The following FHOD3 variants were observed in gnomAD, a reference collection of about 807,000 sequenced individuals.
FHOD3 encodes FH1/FH2 domain-containing protein 3.
Under a neutral mutation model 173.0 loss-of-function variants are expected in FHOD3, and 90 were observed. The ratio of observed to expected loss-of-function variants is 0.52; its 90% CI spans 0.44 to 0.62. The LOEUF is 0.62. Among genes scored for constraint, FHOD3 ranks in the 20% least tolerant of loss-of-function variants. FHOD3 has a pLI of 0.00. For missense variants in FHOD3, 1,945 were observed against 2,034.7 expected (o/e 0.96, Z 0.85); for synonymous variants, 828 against 823.0 (o/e 1.01, Z -0.10).
intron 3 of FHOD3, among the ~76,000 whole-genome samples, chr18:36,467,042 C>A (rs1275695625): frequency 6.6e-6 from 1 of 152,126 alleles, no homozygotes; most frequent in East Asian, 1.9e-4. Flanking sequence ...TGCCCCATCT[C>A]AGTTTGGACA....
intron 3 of FHOD3, among the ~76,000 whole-genome samples, chr18:36,445,504 G>A (rs2051415590): frequency 6.6e-6 from 1 of 152,192 alleles, no homozygotes; most frequent in Non-Finnish European, 1.5e-5. Context: ...CGGGGTCGAT[G>A]TGGTTGGACT....
chr18:36,454,772 G>A (rs1251636702), intron 3 of FHOD3, among the ~76,000 whole-genome samples: 3 of 151,684 alleles, frequency 2.0e-5, no homozygotes, highest in Admixed American at 6.6e-5. Context: ...CTGGCTCTTC[G>A]GCATGGGGGA....
chr18:36,567,067 G>C (rs1245125063), intron 5 of FHOD3, among the ~76,000 whole-genome samples: 1 of 152,122 alleles, frequency 6.6e-6, no homozygotes, highest in Non-Finnish European at 1.5e-5. Flanking sequence ...TGGGTGACTG[G>C]GTGATGTGTC....
chr18:36,619,808 G>T (rs776331707), intron 9 of FHOD3, among the ~76,000 whole-genome samples: 1 of 152,200 alleles, frequency 6.6e-6, no homozygotes. Flanking sequence ...GAAAAGAGAC[G>T]GTATGAGGTG....
At chr18:36,684,204 G>T (rs936720109) in intron 15 of FHOD3, among the ~76,000 whole-genome samples, 3 of 152,088 alleles carry the variant, frequency 2.0e-5, no homozygotes, top group Non-Finnish European at 2.9e-5. Flanking sequence ...AACTTAACCC[G>T]GTTGATTACC....
intron 3 of FHOD3, among the ~76,000 whole-genome samples, chr18:36,376,255 A>G (rs1054532921): frequency 3.3e-5 from 5 of 152,092 alleles, no homozygotes; most frequent in Non-Finnish European, 7.4e-5. Context: ...TTAATATGTG[A>G]GTGTTTTTTA....
chr18:36,545,954 T>C (rs1273517206), intron 5 of FHOD3, among the ~76,000 whole-genome samples: 1 of 152,260 alleles, frequency 6.6e-6, no homozygotes, highest in African/African-American at 2.4e-5. Context: ...AGGAGTTACC[T>C]TGGAAACTTC....
intron 3 of FHOD3, among the ~76,000 whole-genome samples, chr18:36,425,331 C>G (rs2050183621): frequency 6.6e-6 from 1 of 152,082 alleles, no homozygotes; most frequent in Admixed American, 6.6e-5. Flanking sequence ...GGAATACATT[C>G]CCATGGATAA....
chr18:36,309,918 A>G (rs2092210736), intron 1 of FHOD3, among the ~76,000 whole-genome samples: 1 of 152,246 alleles, frequency 6.6e-6, no homozygotes, highest in South Asian at 2.1e-4. Flanking sequence ...GAAAGAGGGC[A>G]AGTGGGGCAT....
chr18:36,450,322 G>A (rs920558931), intron 3 of FHOD3, among the ~76,000 whole-genome samples: 1 of 152,200 alleles, frequency 6.6e-6, no homozygotes, highest in Non-Finnish European at 1.5e-5. Context: ...GGAGCTCCCT[G>A]GTGGGAAGGA....
At chr18:36,475,237 A>G (rs1414909218) in intron 3 of FHOD3, among the ~76,000 whole-genome samples, 4 of 151,822 alleles carry the variant, frequency 2.6e-5, no homozygotes, top group Admixed American at 2.0e-4. Context: ...CCTTGTTTTG[A>G]TGGACTTGGG....
intron 10 of FHOD3, among the ~76,000 whole-genome samples, chr18:36,637,807 C>G (rs2848920): frequency 6.6e-6 from 1 of 152,098 alleles, no homozygotes; most frequent in East Asian, 1.9e-4. Flanking sequence ...AGGGAGAGGC[C>G]TTACTGCATC....
At chr18:36,493,870 G>A (rs1006646393) in intron 3 of FHOD3, among the ~76,000 whole-genome samples, 9 of 152,322 alleles carry the variant, frequency 5.9e-5, no homozygotes, top group South Asian at 2.1e-4. Context: ...CTCTGGGGAC[G>A]TGGTCCAGGT....
At position 36,747,109 on chromosome 18, in the gene FHOD3, G is replaced by A; in HGVS notation, c.4206G>A (p.Lys1402=). 1.2e-6 allele frequency: 2 copies of A among 1,612,872 alleles called. No homozygotes were observed. The highest frequency in any genetic ancestry group is 2.2e-5 in the East Asian group (1 of 44,852). ...KDCAERIIIL[K]IVHRRIINRF... ...GTGCAGAGCGAATTATAATTTTAAAGATTGTCCATAGAAGGATAATCAACA... is the reference window on the plus strand; with the variant it reads ...GTGCAGAGCGAATTATAATTTTAAAAATTGTCCATAGAAGGATAATCAACA... The change falls in exon 24 of 29, where the codon AAG becomes AAA. Residue 1402 remains lysine (K), a synonymous_variant. Transcript: ENST00000590592.
At chr18:36,602,498 T>C (rs2031523185) in intron 7 of FHOD3, among the ~76,000 whole-genome samples, 176 bp from the exon 8 acceptor site, 1 of 152,192 alleles carries the variant, frequency 6.6e-6, no homozygotes, top group African/African-American at 2.4e-5. Flanking sequence ...TACTAAGAAA[T>C]ATCCTCAATT....
At chr18:36,395,152 GT>G (rs76356746) in intron 3 of FHOD3, among the ~76,000 whole-genome samples, 33,639 of 147,656 alleles carry the variant, frequency 0.23, 4,260 homozygotes, top group East Asian at 0.67. Flanking sequence ...AACAGTTTAG[GT>G]TTTTTTTTTT....
At chr18:36,326,596 T>C (rs1231428734) in intron 1 of FHOD3, among the ~76,000 whole-genome samples, 1 of 151,982 alleles carries the variant, frequency 6.6e-6, no homozygotes, top group Non-Finnish European at 1.5e-5. Context: ...AGTGAGAGCC[T>C]GTCTCTACAA....
At chr18:36,514,026 T>TTTTTTTTTTTTTTTTTTG (rs1568369793) in intron 5 of FHOD3, among the ~76,000 whole-genome samples, 1 of 144,002 alleles carries the variant, frequency 6.9e-6, no homozygotes, top group African/African-American at 2.6e-5. Flanking sequence ...TTTTTTTTTT[T>TTTTTTTTTTTTTTTTTTG]GAGATGGAGT....
At chr18:36,300,760 C>G (rs1298539219) in intron 1 of FHOD3, among the ~76,000 whole-genome samples, 1 of 151,762 alleles carries the variant, frequency 6.6e-6, no homozygotes, top group African/African-American at 2.4e-5. Context: ...TTTTTTGTGA[C>G]AGGGTCTCAC....
Sources: gnomAD v4.1 joint callset for allele counts (sites outside exome capture counted in the v4.1 genomes callset) on GRCh38, gnomAD v4.1.1 for gene constraint, MANE v1.5 for transcripts, NCBI Gene and HGNC (gene_info 2026-07-23, HGNC 2026-07-21) for gene names.